Variants in UBIAD1 observed in about 807,000 individuals in gnomAD.
UBIAD1 encodes the protein UbiA prenyltransferase domain containing 1.
A neutral mutation model predicts 20.1 loss-of-function variants in UBIAD1; 12 were observed. The ratio of observed to expected loss-of-function variants is 0.60; its 90% CI spans 0.38 to 0.97. The LOEUF is 0.97. Ranked by LOEUF, UBIAD1 falls within the 50% of genes least tolerant of loss-of-function variation. UBIAD1 has a pLI of 0.00. For synonymous variants in UBIAD1, 207 were observed against 189.2 expected (o/e 1.09, Z -0.77); for missense variants, 333 against 419.5 (o/e 0.79, Z 1.80).
At chr1:11,277,429 G>T (rs987166171) in intron 1 of UBIAD1, among the ~76,000 whole-genome samples, 23 of 151,282 alleles carry the variant, frequency 1.5e-4, no homozygotes, top group African/African-American at 5.6e-4. Flanking sequence ...ACAGGTGCCC[G>T]CCTGGCTAAT....
In UBIAD1 at chr1:11,285,559, G is replaced by A. The variant is rs979045367; in HGVS notation, c.530-85G>A. 104 of 1,602,300 alleles carry A rather than the reference G, an allele frequency of 6.5e-5. No homozygotes were observed. In the Middle Eastern group the frequency reaches 6.6e-4, roughly 10 times the overall value. On this transcript the variant is annotated intron_variant, in intron 1 of 1. Coordinates refer to ENST00000376810, the MANE Select transcript of UBIAD1 (RefSeq NM_013319.3). This position sits in a 1 kb window ranked among gnomAD's most constrained non-coding sequence, Gnocchi z 4.4. ...TCTAAGGATTTACCATTTTCAGCCG[G>A]AAGTGGCCTGCCTCTTCACTGGTGA...
At chr1:11,288,733 C>T (rs544345525), downstream of UBIAD1, among the ~76,000 whole-genome samples, 4 of 152,054 alleles carry the variant, frequency 2.6e-5, no homozygotes, top group Admixed American at 6.6e-5. Flanking sequence ...CGTAGTAAGA[C>T]CCCATCTCTA....
Position 11,285,582 on chromosome 1 carries a change from T to G in UBIAD1, c.530-62T>G. On this transcript the variant is annotated intron_variant, in intron 1 of 1. Coordinates refer to ENST00000376810, the MANE Select transcript of UBIAD1 (RefSeq NM_013319.3). The surrounding 1 kb of genome is among the most constrained non-coding windows in gnomAD (Gnocchi z 4.4). ...CGGAAGTGGCCTGCCTCTTCACTGG[T>G]GAACAGTCCCTAAATTTCCAGCCTT... 6.2e-7 allele frequency: 1 copy of G among 1,612,112 alleles called. No individual in the cohort carries two copies. The highest frequency in any genetic ancestry group is 8.5e-7 in the Non-Finnish European group (1 of 1,179,892).
chr1:11,289,385 G>T (rs192781726), downstream of UBIAD1, among the ~76,000 whole-genome samples: 2 of 152,122 alleles, frequency 1.3e-5, no homozygotes, highest in African/African-American at 4.8e-5. Context: ...AAATCAAAAG[G>T]CTGCTTTGAT....
intron 1 of UBIAD1, among the ~76,000 whole-genome samples, chr1:11,274,602 A>AT (rs1389042052): frequency 7.1e-6 from 1 of 140,244 alleles, no homozygotes; most frequent in Non-Finnish European, 1.5e-5. Context: ...CTGTCAGGAC[A>AT]TTTTTTAATT....
chr1:11,275,166 G>A (rs1177350605), intron 1 of UBIAD1, among the ~76,000 whole-genome samples: 4 of 152,178 alleles, frequency 2.6e-5, no homozygotes, highest in African/African-American at 9.7e-5. Context: ...CTGCCCTTGT[G>A]AAACTTACGT....
chr1:11,282,870 T>C lies in UBIAD1; in HGVS notation c.530-2774T>C, dbSNP rs143214207. Among the ~76,000 whole-genome samples, 35 of 150,894 alleles carry C rather than the reference T, an allele frequency of 2.3e-4. 1 individual carries two copies. In the East Asian group the frequency reaches 6.8e-3, roughly 29 times the overall value. ...CGTGAGCCACTGTGCCTGGCCTTTT[T>C]TTTTCTTGAGACGGAGTTTTGCTCT... is the stretch of plus-strand genomic sequence containing the variant. On this transcript the variant is annotated intron_variant, in intron 1 of 1. Transcript: ENST00000376810.
intron 1 of UBIAD1, among the ~76,000 whole-genome samples, chr1:11,275,047 C>T (rs1651962062): frequency 6.6e-6 from 1 of 152,126 alleles, no homozygotes; most frequent in Admixed American, 6.6e-5. Flanking sequence ...TAGGTGACTT[C>T]TTGCAAGAGG....
At position 11,280,816 on chromosome 1, in the gene UBIAD1, G is replaced by C. The variant is rs1212945927; in HGVS notation, c.530-4828G>C. On this transcript the variant is annotated intron_variant, in intron 1 of 1. Transcript: ENST00000376810. ...GCTCCCAACTGGTCTCTTTACCTCTGTTCTGGTCCCATTCAGGCTGTTCCC... is the reference window on the plus strand; with the variant it reads ...GCTCCCAACTGGTCTCTTTACCTCTCTTCTGGTCCCATTCAGGCTGTTCCC... Among the ~76,000 whole-genome samples, 9 of 152,222 alleles carry C rather than the reference G, an allele frequency of 5.9e-5. 1 individual carries two copies. In the East Asian group the frequency reaches 1.7e-3, roughly 29 times the overall value.
chr1:11,299,518 C>T (rs752737292), downstream of UBIAD1, among the ~76,000 whole-genome samples: 2 of 152,216 alleles, frequency 1.3e-5, no homozygotes, highest in Non-Finnish European at 2.9e-5. Flanking sequence ...AAAGCGTGAT[C>T]GGTTGCCTTT....
At chr1:11,279,379 A>C (rs1652168750) in intron 1 of UBIAD1, 1 of 170,856 alleles carries the variant, frequency 5.9e-6, no homozygotes, top group Non-Finnish European at 1.3e-5. Context: ...GGGATAGAAC[A>C]AGTTTTGGGG....
intron 1 of UBIAD1, chr1:11,293,673 CTT>C (rs977915185): frequency 9.2e-5 from 14 of 151,918 alleles, no homozygotes; most frequent in African/African-American, 3.4e-4. Flanking sequence ...ATGGCAGTAA[CTT>C]ATTATTATTA....
chr1:11,292,665 G>GTA (rs200370196), downstream of UBIAD1, among the ~76,000 whole-genome samples: 3,077 of 130,668 alleles, frequency 0.024, 68 homozygotes, highest in African/African-American at 0.056. Flanking sequence ...AAGATTTTAT[G>GTA]TATACACACA....
At position 11,286,023 on chromosome 1, in the gene UBIAD1, G is replaced by C. The variant is rs147111252; in HGVS notation, c.909G>C (p.Gln303His). Residue 303 changes from glutamine to histidine, a missense_variant, in exon 2 of 2, where the codon CAG (glutamine) becomes CAC (histidine). This residue lies in a region of UBIAD1 where 226 missense variants were observed against 263.5 expected (regional missense o/e 0.86). Coordinates refer to ENST00000376810, the MANE Select transcript of UBIAD1 (RefSeq NM_013319.3). ...AFSLERQFRS[Q>H]AFNKLPQRTA... is the part of the protein sequence containing the mutation. ...CCCTTGAGAGACAGTTTCGAAGCCA[G>C]GCCTTCAACAAACTGCCCCAGAGGA... 15 of 1,614,044 alleles carry C rather than the reference G, an allele frequency of 9.3e-6. No individual in the cohort carries two copies. Among genetic ancestry groups the C allele is most frequent in the Non-Finnish European group, 9.3e-6 (11 of 1,180,028 alleles).
At chr1:11,275,011 T>C (rs1651959932) in intron 1 of UBIAD1, among the ~76,000 whole-genome samples, 1 of 152,200 alleles carries the variant, frequency 6.6e-6, no homozygotes, top group Non-Finnish European at 1.5e-5. Context: ...CAAAATGATA[T>C]AGATAATTAC....
downstream of UBIAD1, among the ~76,000 whole-genome samples, chr1:11,296,645 G>A (rs1266367024): frequency 6.6e-6 from 1 of 152,094 alleles, no homozygotes; most frequent in African/African-American, 2.4e-5. Context: ...TCAGCCTCCA[G>A]AGTAGCTTGG....
intron 1 of UBIAD1, among the ~76,000 whole-genome samples, chr1:11,276,212 G>GT (rs1281133750): frequency 1.3e-5 from 2 of 152,184 alleles, no homozygotes; most frequent in Non-Finnish European, 2.9e-5. Flanking sequence ...CTAGCGGGTG[G>GT]TAGTGGAAGA....
At chr1:11,277,754 T>C (rs1277110954) in intron 1 of UBIAD1, among the ~76,000 whole-genome samples, 1 of 152,048 alleles carries the variant, frequency 6.6e-6, no homozygotes, top group East Asian at 1.9e-4. Context: ...TTCAAGCAGT[T>C]CTGCCTCCGC....
rs775734114 is a variant in UBIAD1 at position 11,273,628 on chromosome 1, G to T, written c.97G>T (p.Glu33Ter). Residue 33 changes from glutamate (E) to a stop codon, truncating the protein, a stop_gained, in exon 1 of 2, where the codon GAG (glutamate) becomes TAG (stop). Transcript: ENST00000376810. LOFTEE classifies it high-confidence loss of function. This position sits in a 1 kb window ranked among gnomAD's most constrained non-coding sequence, Gnocchi z 4.9. Reference protein sequence around the residue: ...DRDPLGNDCPEQDRLPQRSWR... With the variant: ...DRDPLGNDCP ...GGACCCGCTGGGGAACGACTGTCCC[G>T]AGCAAGATAGGCTCCCCCAGCGCTC... 4.3e-6 allele frequency: 7 copies of T among 1,614,080 alleles called. No individual in the cohort carries two copies. Among genetic ancestry groups the T allele is most frequent in the Non-Finnish European group, 5.9e-6 (7 of 1,180,042 alleles).
Sources: gnomAD v4.1 joint callset for allele counts (sites outside exome capture counted in the v4.1 genomes callset) on GRCh38, gnomAD v4.1.1 for gene constraint, gnomAD v4.1.1 regional missense constraint, Gnocchi (gnomAD v3.1) non-coding constraint, MANE v1.5 for transcripts, NCBI Gene and HGNC (gene_info 2026-07-23, HGNC 2026-07-21) for gene names.